Variants in LURAP1 observed in about 807,000 individuals in gnomAD.
The protein encoded by LURAP1 is leucine rich adaptor protein 1.
LURAP1 carries 14 observed loss-of-function variants against 19.0 expected under a neutral mutation model. The observed-to-expected ratio is 0.74, with a 90% confidence interval of 0.49 to 1.15. The LOEUF (loss-of-function observed/expected upper bound fraction) is 1.15, where lower values mean the gene tolerates loss of function less well. Among genes scored for constraint, LURAP1 ranks in the 50% most tolerant of loss-of-function variants. LURAP1 has a pLI of 0.00. For synonymous variants in LURAP1, 129 were observed against 131.8 expected (o/e 0.98, Z 0.14); for missense variants, 273 against 309.1 (o/e 0.88, Z 0.87).
intron 1 of LURAP1, among the ~76,000 whole-genome samples, chr1:46,206,732 AC>A (rs1029265490): frequency 6.6e-6 from 1 of 152,066 alleles, no homozygotes; most frequent in Non-Finnish European, 1.5e-5. Flanking sequence ...TACAACCCAG[AC>A]CCCTGAATCC....
intron 1 of LURAP1, among the ~76,000 whole-genome samples, chr1:46,204,157 C>G (rs545648044): frequency 4.5e-4 from 68 of 152,286 alleles, no homozygotes; most frequent in African/African-American, 1.5e-3. Flanking sequence ...ATCCCCCAGC[C>G]CTACTTAAAA....
Position 46,203,350 on chromosome 1 carries a change from A to T in LURAP1, c.-77A>T, listed in dbSNP as rs1051916910. ...GGACCCACCGGTTTTGCTCCGCTTT[A>T]GCAGCGGCGAAGGGAGGACCCCCGG... On this transcript the variant is annotated 5_prime_UTR_variant, in exon 1 of 2. Transcript: ENST00000371980. 3 of 1,337,894 alleles carry T rather than the reference A, an allele frequency of 2.2e-6. No individual in the cohort carries two copies. The African/African-American group carries it at 4.6e-5, about 21-fold the overall frequency. 82.9% of individuals were successfully genotyped at this position (1,337,894 alleles called of 1,614,324 possible).
rs373188107 is a variant in LURAP1 at position 46,220,362 on chromosome 1, C to G, written c.*142C>G. ...CATGGAAACCTGGCTCATCATTTCT[C>G]TAGTCCCTAGGGAGTCTCTGCCTTT... On this transcript the variant is annotated 3_prime_UTR_variant, in exon 2 of 2. Transcript: ENST00000371980. 8 of 850,124 alleles carry G rather than the reference C, an allele frequency of 9.4e-6. No homozygotes were observed. Among genetic ancestry groups the G allele is most frequent in the African/African-American group, 5.1e-5 (3 of 58,980 alleles). 52.7% of individuals were successfully genotyped at this position (850,124 alleles called of 1,614,324 possible).
intron 1 of LURAP1, among the ~76,000 whole-genome samples, chr1:46,207,992 T>G (rs1658772728): frequency 1.3e-5 from 2 of 152,080 alleles, no homozygotes; most frequent in Admixed American, 1.3e-4. Context: ...CTCAGCTTCC[T>G]GAGTAGCTGG....
intron 1 of LURAP1, among the ~76,000 whole-genome samples, chr1:46,211,244 G>A (rs1431114212): frequency 6.6e-6 from 1 of 152,136 alleles, no homozygotes; most frequent in East Asian, 1.9e-4. Flanking sequence ...CAGGGTATGA[G>A]TCAGGACCTT....
chr1:46,216,513 T>A (rs889065279), intron 1 of LURAP1, among the ~76,000 whole-genome samples: 11 of 152,206 alleles, frequency 7.2e-5, no homozygotes, highest in Non-Finnish European at 1.2e-4. Context: ...GACTAATTTT[T>A]AAATTTTTTG....
At chr1:46,214,288 G>A (rs1289506020) in intron 1 of LURAP1, among the ~76,000 whole-genome samples, 1 of 151,702 alleles carries the variant, frequency 6.6e-6, no homozygotes, top group African/African-American at 2.4e-5. Context: ...AGAGGTTGCA[G>A]TGAGCCGAGA....
intron 1 of LURAP1, among the ~76,000 whole-genome samples, chr1:46,212,652 C>T (rs1290501332): frequency 1.3e-5 from 2 of 152,194 alleles, no homozygotes; most frequent in Non-Finnish European, 2.9e-5. Flanking sequence ...TCTCAGCTCA[C>T]TGTAACCTCT....
At chr1:46,210,965 A>C (rs1658876861) in intron 1 of LURAP1, among the ~76,000 whole-genome samples, 1 of 144,526 alleles carries the variant, frequency 6.9e-6, no homozygotes, top group Admixed American at 7.0e-5. Flanking sequence ...TTTTTGGTAG[A>C]GACAGGGTTT....
At chr1:46,208,092 T>A (rs925624099) in intron 1 of LURAP1, among the ~76,000 whole-genome samples, 8 of 150,854 alleles carry the variant, frequency 5.3e-5, no homozygotes, top group Admixed American at 6.6e-5. Context: ...ACTCCTGGCC[T>A]CAAGTGATCT....
chr1:46,206,160 T>G (rs1334612850), intron 1 of LURAP1, among the ~76,000 whole-genome samples: 2 of 152,242 alleles, frequency 1.3e-5, no homozygotes, highest in African/African-American at 4.8e-5. Flanking sequence ...GAAAAAGCTT[T>G]AGGCAAGGAA....
chr1:46,215,240 AAAAG>A (rs1659030075), intron 1 of LURAP1, among the ~76,000 whole-genome samples: 1 of 151,952 alleles, frequency 6.6e-6, no homozygotes, highest in South Asian at 2.1e-4. Context: ...AAAAAAAAAA[AAAAG>A]AGATGCAAGA....
At chr1:46,208,016 CG>C in intron 1 of LURAP1, among the ~76,000 whole-genome samples, 1 of 151,812 alleles carries the variant, frequency 6.6e-6, no homozygotes, top group South Asian at 2.1e-4. Context: ...TACAGGCACC[CG>C]CCTAGTTAAT....
intron 1 of LURAP1, among the ~76,000 whole-genome samples, chr1:46,212,447 A>T (rs1364853207): frequency 1.3e-5 from 2 of 151,428 alleles, no homozygotes; most frequent in Non-Finnish European, 2.9e-5. Flanking sequence ...CGCCCAGCGA[A>T]TTTTTTTGTA....
intron 1 of LURAP1, among the ~76,000 whole-genome samples, chr1:46,214,929 G>A (rs949449372): frequency 6.9e-6 from 1 of 144,674 alleles, no homozygotes; most frequent in African/African-American, 2.6e-5. Context: ...ACTAGAGCAA[G>A]TATAGAAATA....
At chr1:46,207,572 T>C (rs1161997881) in intron 1 of LURAP1, among the ~76,000 whole-genome samples, 2 of 150,764 alleles carry the variant, frequency 1.3e-5, no homozygotes, top group East Asian at 2.0e-4. Context: ...GGAGTCTCGC[T>C]CTGTCGCCCA....
At chr1:46,216,108 G>A (rs891536933) in intron 1 of LURAP1, among the ~76,000 whole-genome samples, 19 of 132,450 alleles carry the variant, frequency 1.4e-4, no homozygotes, top group South Asian at 7.4e-4. Context: ...GTGCAGTGGC[G>A]CGATCTCGGC....
rs1659206421 is a variant in LURAP1 at position 46,220,511 on chromosome 1, C to T, written c.*291C>T. The stretch of plus-strand genomic sequence containing the variant: ...GTGGCATGATCACAGCTCACTGCAG[C>T]CTTGACCTCCTGGGCTCAAGCGATC... On this transcript the variant is annotated 3_prime_UTR_variant, in exon 2 of 2. Transcript: ENST00000371980. 6.9e-6 allele frequency: 2 copies of T among 288,702 alleles called. No individual in the cohort carries two copies. Among genetic ancestry groups the T allele is most frequent in the Admixed American group, 9.7e-5 (2 of 20,534 alleles). 17.9% of individuals were successfully genotyped at this position (288,702 alleles called of 1,614,324 possible). A position where few individuals can be genotyped will look rare whatever the true frequency, so the allele number is the denominator to read the frequency against.
chr1:46,220,612 T>A lies in LURAP1; in HGVS notation c.*392T>A, dbSNP rs952171609. The A allele has an allele frequency of 6.7e-6, 1 of 149,482 alleles. No homozygotes were observed. The highest frequency in any genetic ancestry group is 2.1e-4 in the East Asian group (1 of 4,666). The allele number at this position is 149,482 out of a possible 1,614,324, so 9.3% of individuals were successfully genotyped here. A position where few individuals can be genotyped will look rare whatever the true frequency, so the allele number is the denominator to read the frequency against. On this transcript the variant is annotated 3_prime_UTR_variant, in exon 2 of 2. Transcript: ENST00000371980. ...GCCCAGCTAATTGTTTATTTATTTA[T>A]TTTTTTTTTGTAGAGATAGGGTTTC... is the stretch of plus-strand genomic sequence containing the variant.
Sources: gnomAD v4.1 joint callset for allele counts (sites outside exome capture counted in the v4.1 genomes callset) on GRCh38, gnomAD v4.1.1 for gene constraint, MANE v1.5 for transcripts, NCBI Gene and HGNC (gene_info 2026-07-23, HGNC 2026-07-21) for gene names.